The following IPO7 variants were observed in gnomAD, a reference collection of about 807,000 sequenced individuals.
IPO7 encodes importin 7, also known as importin-7.
In IPO7, 13 loss-of-function variants were observed where a neutral mutation model predicts 136.4. The ratio of observed to expected loss-of-function variants is 0.10; its 90% CI spans 0.06 to 0.15. The LOEUF (loss-of-function observed/expected upper bound fraction) is 0.15, where lower values mean the gene tolerates loss of function less well. Ranked by LOEUF, IPO7 falls within the 10% of genes least tolerant of loss-of-function variation. The probability of loss-of-function intolerance (pLI) is 1.00; values close to 1 mark genes in which losing one functional copy is unlikely to be tolerated. For synonymous variants in IPO7, 403 were observed against 404.4 expected (o/e 1.00, Z 0.04); for missense variants, 857 against 1,240.6 (o/e 0.69, Z 4.65).
At chr11:9,426,680 T>C (rs1401272050) in intron 12 of IPO7, among the ~76,000 whole-genome samples, 1 of 152,242 alleles carries the variant, frequency 6.6e-6, no homozygotes, top group African/African-American at 2.4e-5. Flanking sequence ...TTTCATGTGC[T>C]TACTATCCGT....
At chr11:9,399,246 C>T (rs1395848970) in intron 1 of IPO7, among the ~76,000 whole-genome samples, 2 of 151,716 alleles carry the variant, frequency 1.3e-5, no homozygotes, top group African/African-American at 4.8e-5. Flanking sequence ...TCACCACAAC[C>T]TCTGTCTCCG....
chr11:9,385,773 C>G (rs1259735554), intron 1 of IPO7, among the ~76,000 whole-genome samples: 2 of 152,072 alleles, frequency 1.3e-5, no homozygotes, highest in Non-Finnish European at 2.9e-5. Flanking sequence ...TGGAAAACAG[C>G]TTAATTGCAT....
At chr11:9,437,146 A>G (rs1449110166) in intron 20 of IPO7, among the ~76,000 whole-genome samples, 1 of 151,594 alleles carries the variant, frequency 6.6e-6, no homozygotes, top group African/African-American at 2.4e-5. Context: ...TCAGACTCCC[A>G]AAAGTGCTGG....
intron 16 of IPO7, 45 bp downstream of exon 16, chr11:9,431,048 C>G: frequency 1.3e-6 from 2 of 1,547,412 alleles, no homozygotes; most frequent in Non-Finnish European, 1.8e-6. Context: ...CCATTTTATG[C>G]TTTTTAGAGG....
chr11:9,438,552 G>A (rs750066355), intron 22 of IPO7, among the ~76,000 whole-genome samples: 23 of 152,090 alleles, frequency 1.5e-4, no homozygotes, highest in Non-Finnish European at 2.8e-4. Context: ...TTGAACCCAT[G>A]AGGCGGAGGT....
At chr11:9,397,365 T>TATATATATATATATATA (rs1564992067) in intron 1 of IPO7, among the ~76,000 whole-genome samples, 27 of 94,728 alleles carry the variant, frequency 2.9e-4, no homozygotes, top group South Asian at 3.9e-4. Context: ...TATATATATA[T>TATATATATATATATATA]TAGTCGGGCA....
intron 5 of IPO7, among the ~76,000 whole-genome samples, chr11:9,416,261 G>A (rs563407786): frequency 6.6e-6 from 1 of 152,294 alleles, no homozygotes; most frequent in East Asian, 1.9e-4. Flanking sequence ...GCATGTCTTT[G>A]CTAGATCTTT....
chr11:9,431,387 T>A (rs1235111682), intron 16 of IPO7, among the ~76,000 whole-genome samples: 6 of 152,076 alleles, frequency 3.9e-5, no homozygotes, highest in African/African-American at 1.2e-4. Flanking sequence ...TTCACATTGT[T>A]ATGCAACCAT....
At chr11:9,416,411 C>G (rs1388064720) in intron 5 of IPO7, among the ~76,000 whole-genome samples, 1 of 152,136 alleles carries the variant, frequency 6.6e-6, no homozygotes, top group Non-Finnish European at 1.5e-5. Flanking sequence ...AGGATCATAA[C>G]TTTTGGATTA....
intron 1 of IPO7, among the ~76,000 whole-genome samples, chr11:9,393,512 T>C (rs1298665084): frequency 6.6e-6 from 1 of 152,132 alleles, no homozygotes; most frequent in Non-Finnish European, 1.5e-5. Flanking sequence ...CCCTAGTAGC[T>C]GGGATAACAA....
At chr11:9,386,896 C>T (rs73404376) in intron 1 of IPO7, among the ~76,000 whole-genome samples, 3,090 of 152,270 alleles carry the variant, frequency 0.02, 102 homozygotes, top group African/African-American at 0.069. Flanking sequence ...ACATTTCATA[C>T]ATTTCTTTCA....
At chr11:9,418,404 T>C (rs1474541050) in intron 6 of IPO7, among the ~76,000 whole-genome samples, 1 of 152,158 alleles carries the variant, frequency 6.6e-6, no homozygotes, top group Non-Finnish European at 1.5e-5. Flanking sequence ...GTTATTAATA[T>C]ATACTTATTT....
intron 1 of IPO7, chr11:9,402,894 G>C (rs1854822590): frequency 4.8e-6 from 1 of 210,170 alleles, no homozygotes; most frequent in Non-Finnish European, 9.3e-6. Flanking sequence ...ATGTGCACCT[G>C]TATGTAGTCT....
intron 9 of IPO7, 108 bp downstream of exon 9, chr11:9,423,248 ACTT>A (rs1855158872): frequency 9.4e-6 from 6 of 635,002 alleles, no homozygotes; most frequent in Non-Finnish European, 1.6e-5. Context: ...TACTTAGACT[ACTT>A]CTGGTGATTG....
chr11:9,427,029 T>C (rs1268691205), intron 12 of IPO7, among the ~76,000 whole-genome samples: 1 of 152,098 alleles, frequency 6.6e-6, no homozygotes, highest in African/African-American at 2.4e-5. Context: ...TTTGTATTTT[T>C]AGTAGAGATG....
rs558561098 is a variant in IPO7 at position 9,407,487 on chromosome 11, A to G, written c.167-999A>G. On this transcript the variant is annotated intron_variant, in intron 2 of 24. Coordinates refer to ENST00000379719, the MANE Select transcript of IPO7 (RefSeq NM_006391.3). ...GGAGAATCGCTTGAACTAGGGAGTC[A>G]GAGGTTGCAGTGAGCCGAGATCGCA... Among the ~76,000 whole-genome samples, 154 of 152,234 alleles carry G rather than the reference A, an allele frequency of 1.0e-3. 1 individual carries two copies. The highest frequency in any genetic ancestry group is 3.4e-3 in the African/African-American group (141 of 41,562).
At chr11:9,425,809 G>A (rs931265613) in intron 12 of IPO7, among the ~76,000 whole-genome samples, 7 of 151,706 alleles carry the variant, frequency 4.6e-5, no homozygotes, top group Non-Finnish European at 5.9e-5. Context: ...AACCCGGGAC[G>A]TGGAGTTTGC....
At chr11:9,433,409 T>A in intron 16 of IPO7, 161 bp from the exon 17 acceptor site, 1 of 556,258 alleles carries the variant, frequency 1.8e-6, no homozygotes, top group South Asian at 2.7e-5. Context: ...TATTTTTATC[T>A]GAGATCACAA....
chr11:9,403,604 G>T, intron 2 of IPO7: 4 of 443,534 alleles, frequency 9.0e-6, no homozygotes, highest in South Asian at 3.5e-5. Context: ...AAATTGATGG[G>T]GTTTATTAAA....
Sources: gnomAD v4.1 joint callset for allele counts (sites outside exome capture counted in the v4.1 genomes callset) on GRCh38, gnomAD v4.1.1 for gene constraint, MANE v1.5 for transcripts, NCBI Gene and HGNC (gene_info 2026-07-23, HGNC 2026-07-21) for gene names.